The following ZNF708 variants were observed in gnomAD, a reference collection of about 807,000 sequenced individuals.
ZNF708 encodes ZNF15, ZNF15L1.
In ZNF708, 44 loss-of-function variants were observed where a neutral mutation model predicts 47.0. That is an observed-to-expected ratio of 0.94 (90% CI 0.74 to 1.20). The LOEUF is 1.20. ZNF708 is among the 50% of genes most tolerant of loss of function. The probability of loss-of-function intolerance (pLI) is 0.00; values close to 1 mark genes in which losing one functional copy is unlikely to be tolerated. For synonymous variants in ZNF708, 184 were observed against 218.5 expected, an observed-to-expected ratio of 0.84 and a Z score of 1.39; for missense variants, 557 against 656.0, an observed-to-expected ratio of 0.85 and a Z score of 1.65.
chr19:21,293,559 A>G lies in ZNF708; in HGVS notation c.1407T>C (p.Ile469=), dbSNP rs73535992. The change falls in exon 4 of 4, where the codon ATT becomes ATC. Residue 469 remains isoleucine, a synonymous_variant. Transcript: ENST00000356929. ...YSSNFTNHKK[I]HTGEKPYKCE... is the part of the protein sequence containing the mutation. Reference sequence around the variant, plus strand: ...ACTTATAGGGTTTCTCTCCAGTATGAATTTTTTTATGATTAGTAAAATTTG... The same window carrying G: ...ACTTATAGGGTTTCTCTCCAGTATGGATTTTTTTATGATTAGTAAAATTTG... 2,737 of 1,613,206 alleles carry G rather than the reference A, an allele frequency of 1.7e-3. 62 individuals are homozygous for G. In the African/African-American group the frequency reaches 0.033, roughly 19 times the overall value.
chr19:21,312,754 A>G (rs984542342), intron 1 of ZNF708, among the ~76,000 whole-genome samples: 3 of 151,892 alleles, frequency 2.0e-5, no homozygotes, highest in African/African-American at 7.3e-5. Flanking sequence ...CGGGCTCATT[A>G]TTAGCAGTAG....
intron 1 of ZNF708, among the ~76,000 whole-genome samples, chr19:21,322,703 C>T (rs1002909227): frequency 6.6e-6 from 1 of 152,214 alleles, no homozygotes; most frequent in Non-Finnish European, 1.5e-5. Flanking sequence ...GAGAGCAGAG[C>T]GTCCCATTCC....
At chr19:21,319,646 C>T (rs1264100020) in intron 1 of ZNF708, among the ~76,000 whole-genome samples, 3 of 151,948 alleles carry the variant, frequency 2.0e-5, no homozygotes, top group Middle Eastern at 3.4e-3. Context: ...GAAAGCCACG[C>T]GTGGCTGAAC....
rs750536413 is a variant in ZNF708, at chr19:21,326,603, A to T, written c.3+2607T>A. Among the ~76,000 whole-genome samples, 20 of 152,314 alleles carry T rather than the reference A, an allele frequency of 1.3e-4. No homozygotes were observed. In the South Asian group the frequency reaches 2.5e-3, roughly 19 times the overall value. On this transcript the variant is annotated intron_variant, in intron 1 of 3. Coordinates refer to ENST00000356929, the MANE Select transcript of ZNF708 (RefSeq NM_021269.3). ...GGATAAAAGACTACAAATTTGGTGC[A>T]GTGTATAATGCTCTGGTGATGGGTG... is the stretch of plus-strand genomic sequence containing the variant.
At chr19:21,329,150 A>G in intron 1 of ZNF708, 60 bp downstream of exon 1, 1 of 1,608,096 alleles carries the variant, frequency 6.2e-7, no homozygotes, top group Non-Finnish European at 8.5e-7. Flanking sequence ...CGCCACAGCC[A>G]CTTCCCACAG....
In ZNF708 at chr19:21,329,340, G is replaced by A. The variant is rs952985151; in HGVS notation, c.-128C>T. On this transcript the variant is annotated 5_prime_UTR_variant, in exon 1 of 4. Coordinates refer to ENST00000356929, the MANE Select transcript of ZNF708 (RefSeq NM_021269.3). The stretch of plus-strand genomic sequence containing the variant: ...GCAGTGAAGACGAGACCGGAGCTCC[G>A]GCTGCAGCAAGAGACAAAGGCCGCG... 2.1e-6 allele frequency: 3 copies of A among 1,447,608 alleles called. No individual in the cohort carries two copies. Among genetic ancestry groups the A allele is most frequent in the African/African-American group, 1.4e-5 (1 of 70,854 alleles). The allele number at this position is 1,447,608 out of a possible 1,614,324, so 89.7% of individuals were successfully genotyped here. A position where few individuals can be genotyped will look rare whatever the true frequency, so the allele number is the denominator to read the frequency against.
chr19:21,324,278 C>T (rs747835941), intron 1 of ZNF708, among the ~76,000 whole-genome samples: 1 of 146,410 alleles, frequency 6.8e-6, no homozygotes, highest in Non-Finnish European at 1.5e-5. Flanking sequence ...AAAAATCCAG[C>T]GTTTCTTGGC....
intron 3 of ZNF708, among the ~76,000 whole-genome samples, chr19:21,300,518 A>C (rs1369621413): frequency 7.5e-6 from 1 of 132,512 alleles, no homozygotes; most frequent in Non-Finnish European, 1.6e-5. Context: ...AAAAAAAAAA[A>C]AACAAAACAG....
At chr19:21,296,904 G>A (rs1453152858) in intron 3 of ZNF708, among the ~76,000 whole-genome samples, 1 of 151,930 alleles carries the variant, frequency 6.6e-6, no homozygotes, top group Non-Finnish European at 1.5e-5. Flanking sequence ...AGGCTGAGGA[G>A]GGCGGATCAC....
chr19:21,305,615 C>T (rs958405778), intron 3 of ZNF708, among the ~76,000 whole-genome samples: 1 of 151,788 alleles, frequency 6.6e-6, no homozygotes, highest in African/African-American at 2.4e-5. Flanking sequence ...CCCGCCACCA[C>T]GCCCAGCTAA....
intron 3 of ZNF708, among the ~76,000 whole-genome samples, chr19:21,308,744 T>G (rs1352930307): frequency 6.6e-6 from 1 of 152,032 alleles, no homozygotes; most frequent in Admixed American, 6.6e-5. Context: ...GTCAAAGCAA[T>G]CATGAGGAAT....
chr19:21,317,781 T>C (rs577885099), intron 1 of ZNF708, among the ~76,000 whole-genome samples: 3 of 152,324 alleles, frequency 2.0e-5, no homozygotes, highest in East Asian at 1.9e-4. Context: ...CACCTGGTCA[T>C]TGGGGATGCC....
intron 1 of ZNF708, among the ~76,000 whole-genome samples, chr19:21,326,081 G>A (rs965804672): frequency 2.6e-5 from 4 of 152,154 alleles, no homozygotes; most frequent in African/African-American, 7.2e-5. Flanking sequence ...TGGCATGGAC[G>A]TGGTGAACAG....
intron 1 of ZNF708, among the ~76,000 whole-genome samples, chr19:21,312,251 C>T (rs1211305770): frequency 3.3e-5 from 5 of 151,434 alleles, no homozygotes; most frequent in Admixed American, 2.0e-4. Context: ...GCTGAGATCG[C>T]GCCACTGCAC....
intron 1 of ZNF708, among the ~76,000 whole-genome samples, chr19:21,326,806 C>A (rs1326350269): frequency 6.6e-6 from 1 of 152,068 alleles, no homozygotes; most frequent in Non-Finnish European, 1.5e-5. Flanking sequence ...GTGGCACGCC[C>A]ACCTGTAATT....
At chr19:21,321,281 G>C (rs964570949) in intron 1 of ZNF708, among the ~76,000 whole-genome samples, 1 of 151,940 alleles carries the variant, frequency 6.6e-6, no homozygotes, top group Non-Finnish European at 1.5e-5. Flanking sequence ...GCCTACTTGA[G>C]GGTGGAAGGT....
intron 3 of ZNF708, among the ~76,000 whole-genome samples, chr19:21,306,641 GT>G (rs1972769692): frequency 6.6e-6 from 1 of 152,036 alleles, no homozygotes; most frequent in South Asian, 2.1e-4. Flanking sequence ...AGCAGCTATT[GT>G]TTTAAAATGT....
At chr19:21,298,902 TAAC>T (rs1972597963) in intron 3 of ZNF708, among the ~76,000 whole-genome samples, 1 of 152,106 alleles carries the variant, frequency 6.6e-6, no homozygotes, top group South Asian at 2.1e-4. Context: ...GAAAATATTA[TAAC>T]AACTATAAAG....
chr19:21,297,291 T>A (rs1225650511), intron 3 of ZNF708, among the ~76,000 whole-genome samples: 6 of 101,592 alleles, frequency 5.9e-5, no homozygotes, highest in African/African-American at 2.2e-4. Flanking sequence ...TTTTTTTTTT[T>A]TTTTTTTTCA....
Sources: allele counts gnomAD v4.1 joint callset (sites outside exome capture counted in the v4.1 genomes callset), GRCh38; gene constraint gnomAD v4.1.1; transcripts MANE v1.5; gene names NCBI Gene and HGNC (gene_info 2026-07-23, HGNC 2026-07-21).